Variants in CPM observed in about 807,000 individuals in gnomAD.
CPM encodes carboxypeptidase M.
CPM carries 35 observed loss-of-function variants against 46.4 expected under a neutral mutation model. The observed-to-expected ratio is 0.75, with a 90% CI of 0.58 to 1.00. CPM has a LOEUF of 1.00. Ranked by LOEUF, CPM falls within the 50% of genes least tolerant of loss-of-function variation. CPM has a pLI of 0.00. For missense variants in CPM, 422 were observed against 530.4 expected (o/e 0.80, Z 2.01); for synonymous variants, 195 against 195.3 (o/e 1.00, Z 0.01).
At chr12:68,930,997 C>G (rs376910760) in intron 2 of CPM, among the ~76,000 whole-genome samples, 29 of 152,280 alleles carry the variant, frequency 1.9e-4, no homozygotes, top group African/African-American at 7.0e-4. Context: ...TTGCTCTACT[C>G]TAGCCCTAGG....
At chr12:68,942,364 AG>A (rs1888778770) in intron 1 of CPM, among the ~76,000 whole-genome samples, 3 of 152,336 alleles carry the variant, frequency 2.0e-5, no homozygotes, top group Admixed American at 6.5e-5. Flanking sequence ...CATGGCACAA[AG>A]AAAGAAAAGG....
intron 2 of CPM, among the ~76,000 whole-genome samples, chr12:68,925,510 A>G (rs1888222313): frequency 6.6e-6 from 1 of 152,216 alleles, no homozygotes; most frequent in Non-Finnish European, 1.5e-5. Context: ...CTAAATATTC[A>G]CCAGTGGGGC....
chr12:68,941,765 T>C (rs967978475), intron 1 of CPM, among the ~76,000 whole-genome samples: 1 of 152,174 alleles, frequency 6.6e-6, no homozygotes, highest in Admixed American at 6.6e-5. Flanking sequence ...TAAGCTGGGA[T>C]CTCCTGGTAC....
At chr12:68,902,636 A>G (rs1429200338) in intron 2 of CPM, among the ~76,000 whole-genome samples, 2 of 152,214 alleles carry the variant, frequency 1.3e-5, no homozygotes, top group Non-Finnish European at 2.9e-5. Flanking sequence ...TAAAATACAG[A>G]TATTTTACAT....
intron 3 of CPM, among the ~76,000 whole-genome samples, chr12:68,880,431 T>G (rs369711278): frequency 4.1e-4 from 62 of 152,288 alleles, no homozygotes; most frequent in African/African-American, 1.5e-3. Flanking sequence ...TGGAAGATAC[T>G]TATTCCAGTG....
At chr12:68,878,677 C>T (rs566915236) in intron 3 of CPM, among the ~76,000 whole-genome samples, 4 of 152,296 alleles carry the variant, frequency 2.6e-5, no homozygotes, top group South Asian at 2.1e-4. Context: ...AGTAAAACTC[C>T]GGTCTCCTGT....
downstream of CPM, chr12:68,850,593 C>T (rs1224750795): frequency 2.6e-5 from 4 of 152,154 alleles, no homozygotes; most frequent in Non-Finnish European, 5.9e-5. Flanking sequence ...TGTTAGTTTT[C>T]CAGTTCCTAC....
intron 2 of CPM, among the ~76,000 whole-genome samples, chr12:68,907,594 G>A (rs187601658): frequency 3.3e-5 from 5 of 152,320 alleles, no homozygotes; most frequent in Non-Finnish European, 4.4e-5. Flanking sequence ...GGGAAGAAAG[G>A]AAGTGCAGTG....
chr12:68,881,989 T>C (rs1016886244), intron 3 of CPM, among the ~76,000 whole-genome samples: 1 of 149,426 alleles, frequency 6.7e-6, no homozygotes, highest in Non-Finnish European at 1.5e-5. Flanking sequence ...CCCAAAATGC[T>C]GGGATTACAG....
intron 6 of CPM, 93 bp from the exon 7 acceptor site, chr12:68,867,141 CATG>C: frequency 8.1e-7 from 1 of 1,234,152 alleles, no homozygotes; most frequent in Non-Finnish European, 1.2e-6. Flanking sequence ...CAGACAGCTA[CATG>C]TAAACAGGAA....
intron 2 of CPM, among the ~76,000 whole-genome samples, chr12:68,889,901 G>A (rs1363335476): frequency 1.3e-5 from 2 of 152,106 alleles, no homozygotes; most frequent in African/African-American, 2.4e-5. Flanking sequence ...ACCCCTGATC[G>A]AGAAACAGGC....
At chr12:68,929,191 T>A (rs887285016) in intron 2 of CPM, among the ~76,000 whole-genome samples, 3 of 152,178 alleles carry the variant, frequency 2.0e-5, no homozygotes, top group African/African-American at 7.2e-5. Flanking sequence ...GTGGAGAGAC[T>A]ACCCTGAGAA....
chr12:68,901,605 T>C (rs1162099037), intron 2 of CPM, among the ~76,000 whole-genome samples: 2 of 152,256 alleles, frequency 1.3e-5, no homozygotes, highest in Admixed American at 6.5e-5. Flanking sequence ...ATACGATTTA[T>C]GGGATCATTG....
chr12:68,926,581 C>CT (rs1281629882), intron 2 of CPM, among the ~76,000 whole-genome samples: 8 of 151,844 alleles, frequency 5.3e-5, no homozygotes, highest in Non-Finnish European at 7.4e-5. Flanking sequence ...TATTATTATA[C>CT]TTTAAGTTTT....
chr12:68,848,136 T>TA (rs1238626331), downstream of CPM: 2 of 152,190 alleles, frequency 1.3e-5, no homozygotes, highest in African/African-American at 4.8e-5. Flanking sequence ...CTTAAAAAAA[T>TA]AAAAAATAAC....
In CPM at chr12:68,897,639, G is replaced by C. The variant is rs183381387; in HGVS notation, c.161-11750C>G. Among the ~76,000 whole-genome samples, 871 of 151,398 alleles carry C rather than the reference G, an allele frequency of 5.8e-3. 13 individuals carry two copies. The highest frequency in any genetic ancestry group is 0.019 in the African/African-American group (800 of 41,248). On this transcript the variant is annotated intron_variant, in intron 2 of 8. Coordinates refer to ENST00000551568, the MANE Select transcript of CPM (RefSeq NM_198320.5). ...GTAATCCCAGCTACTCAGGAGGCTTGGGCAGGAGAATCGCTTGAACCCGGG... is the reference window on the plus strand; with the variant it reads ...GTAATCCCAGCTACTCAGGAGGCTTCGGCAGGAGAATCGCTTGAACCCGGG...
chr12:68,908,441 T>A (rs1013698693), intron 2 of CPM, among the ~76,000 whole-genome samples: 4 of 151,554 alleles, frequency 2.6e-5, no homozygotes, highest in African/African-American at 9.7e-5. Flanking sequence ...TCTGGAGGTA[T>A]CTGCTAAAAT....
intron 2 of CPM, among the ~76,000 whole-genome samples, chr12:68,923,213 G>GTT: frequency 7.5e-6 from 1 of 134,204 alleles, no homozygotes; most frequent in African/African-American, 2.8e-5. Flanking sequence ...GTGTGTGTGT[G>GTT]TTTTGAGTAA....
At chr12:68,911,619 C>T (rs573461603) in intron 2 of CPM, among the ~76,000 whole-genome samples, 1 of 152,284 alleles carries the variant, frequency 6.6e-6, no homozygotes, top group South Asian at 2.1e-4. Flanking sequence ...TATGGCAGGG[C>T]CACGCTTCAA....
Sources: allele counts gnomAD v4.1 joint callset (sites outside exome capture counted in the v4.1 genomes callset), GRCh38; gene constraint gnomAD v4.1.1; transcripts MANE v1.5; gene names NCBI Gene and HGNC (gene_info 2026-07-23, HGNC 2026-07-21).